Variants in MEGF10 observed in about 807,000 individuals in gnomAD.
The protein encoded by MEGF10 is multiple epidermal growth factor-like domains protein 10.
MEGF10 carries 86 observed loss-of-function variants against 147.5 expected under a neutral mutation model. The observed-to-expected ratio is 0.58, with a 90% CI of 0.49 to 0.70. The LOEUF (loss-of-function observed/expected upper bound fraction) is 0.70. Among genes scored for constraint, MEGF10 ranks in the 30% least tolerant of loss-of-function variants. The pLI is 0.00. For synonymous variants in MEGF10, 478 were observed against 525.5 expected, an observed-to-expected ratio of 0.91 and a Z score of 1.24; for missense variants, 1,329 against 1,487.3, an observed-to-expected ratio of 0.89 and a Z score of 1.75.
intron 1 of MEGF10, among the ~76,000 whole-genome samples, chr5:127,314,409 T>G (rs942572200): frequency 2.0e-5 from 3 of 151,954 alleles, no homozygotes; most frequent in Non-Finnish European, 4.4e-5. Context: ...GTTGAAGAGG[T>G]GGGATTGGTT....
At chr5:127,455,978 C>T (rs1387297007) in intron 24 of MEGF10, among the ~76,000 whole-genome samples, 2 of 151,918 alleles carry the variant, frequency 1.3e-5, no homozygotes, top group Non-Finnish European at 2.9e-5. Context: ...GTGTTTTTAG[C>T]GATCATATTA....
intron 8 of MEGF10, among the ~76,000 whole-genome samples, chr5:127,408,850 G>A (rs552519842): frequency 1.3e-5 from 2 of 152,304 alleles, no homozygotes; most frequent in Admixed American, 1.3e-4. Context: ...GCTGAGGCGG[G>A]AGCATCACTT....
chr5:127,414,375 G>C (rs1042298056), intron 9 of MEGF10, among the ~76,000 whole-genome samples: 3 of 151,736 alleles, frequency 2.0e-5, no homozygotes, highest in Non-Finnish European at 4.4e-5. Context: ...TACCATCTAG[G>C]ATGGCTGTGA....
In MEGF10 at chr5:127,460,165, G is replaced by T. The variant is rs1275443269; in HGVS notation, c.*2847G>T. 1 of 152,076 alleles carries T rather than the reference G, an allele frequency of 6.6e-6. No homozygotes were observed. Among genetic ancestry groups the T allele is most frequent in the Non-Finnish European group, 1.5e-5 (1 of 68,002 alleles). 9.4% of individuals were successfully genotyped at this position (152,076 alleles called of 1,614,324 possible). A position where few individuals can be genotyped will look rare whatever the true frequency, so the allele number is the denominator to read the frequency against. ...AGGAGTTTAGAGATACTTAGCAAAT[G>T]CCATTCATATAGTATTGTTAGCCAA... On this transcript the variant is annotated 3_prime_UTR_variant, in exon 25 of 25. Coordinates refer to ENST00000503335, the MANE Select transcript of MEGF10 (RefSeq NM_001256545.2).
intron 1 of MEGF10, among the ~76,000 whole-genome samples, chr5:127,314,687 T>C (rs1760448148): frequency 1.3e-5 from 2 of 152,244 alleles, no homozygotes; most frequent in Admixed American, 1.3e-4. Context: ...ATTTTAGGAA[T>C]GAATCATAGG....
chr5:127,429,863 T>C (rs1197057211), intron 13 of MEGF10, among the ~76,000 whole-genome samples: 1 of 152,132 alleles, frequency 6.6e-6, no homozygotes, highest in Non-Finnish European at 1.5e-5. Flanking sequence ...GCCCCTTCCT[T>C]CTTAAAATTG....
intron 5 of MEGF10, among the ~76,000 whole-genome samples, chr5:127,390,358 C>T (rs961315808): frequency 2.0e-5 from 3 of 151,928 alleles, no homozygotes; most frequent in African/African-American, 2.4e-5. Context: ...AGAGCAATCA[C>T]GACTCACTGC....
chr5:127,301,399 T>C (rs554060665), intron 1 of MEGF10, among the ~76,000 whole-genome samples: 1 of 152,296 alleles, frequency 6.6e-6, no homozygotes, highest in African/African-American at 2.4e-5. Flanking sequence ...CATTTTTTTT[T>C]TCTCCAAAAG....
At chr5:127,387,408 A>G (rs1018473582) in intron 5 of MEGF10, among the ~76,000 whole-genome samples, 1 of 152,174 alleles carries the variant, frequency 6.6e-6, no homozygotes, top group Non-Finnish European at 1.5e-5. Context: ...AACTATTCTG[A>G]TGAACCTGCT....
Position 127,415,669 on chromosome 5 carries a change from T to C in MEGF10, c.1131-1969T>C, listed in dbSNP as rs201438247. ...TTATAATCCCAGCACTTTGGGAGGC[T>C]GAGACGGGCAGATCACTTGAGGTCA... On this transcript the variant is annotated intron_variant, in intron 9 of 24. Coordinates refer to ENST00000503335, the MANE Select transcript of MEGF10 (RefSeq NM_001256545.2). 3.5e-4 allele frequency among the ~76,000 whole-genome samples: 54 copies of C among 152,124 alleles called. No homozygotes were observed. In the East Asian group the frequency reaches 8.2e-3, roughly 23 times the overall value.
chr5:127,438,044 C>G (rs1765621586), intron 16 of MEGF10, among the ~76,000 whole-genome samples: 1 of 152,124 alleles, frequency 6.6e-6, no homozygotes, highest in African/African-American at 2.4e-5. Flanking sequence ...GTTGGTTTGC[C>G]TGCCTCCCCT....
intron 4 of MEGF10, among the ~76,000 whole-genome samples, chr5:127,362,611 G>T (rs187825787): frequency 6.6e-6 from 1 of 151,928 alleles, no homozygotes; most frequent in African/African-American, 2.4e-5. Flanking sequence ...TGATCCGCCC[G>T]CCTCAGCCTC....
chr5:127,261,678 C>A, the MEGF10 span, among the ~76,000 whole-genome samples: 2 of 152,130 alleles, frequency 1.3e-5, no homozygotes, highest in Non-Finnish European at 2.9e-5. Context: ...AATTGCTATA[C>A]TGATTGTAAA....
At chr5:127,238,572 G>T in the MEGF10 span, among the ~76,000 whole-genome samples, 2 of 152,196 alleles carry the variant, frequency 1.3e-5, no homozygotes, top group African/African-American at 4.8e-5. Context: ...GACAGAGAAA[G>T]GTTAAGTAAC....
chr5:127,327,483 A>G (rs1005184122), intron 1 of MEGF10, among the ~76,000 whole-genome samples: 1 of 152,064 alleles, frequency 6.6e-6, no homozygotes, highest in Non-Finnish European at 1.5e-5. Context: ...AAAAAATTGC[A>G]TTTTGTTTTC....
chr5:127,366,173 C>T (rs925133328), intron 4 of MEGF10, among the ~76,000 whole-genome samples: 14 of 151,998 alleles, frequency 9.2e-5, no homozygotes, highest in African/African-American at 3.4e-4. Context: ...GTGTGGGCGT[C>T]TGTGTCATGA....
chr5:127,374,279 G>A (rs1488161656), intron 5 of MEGF10, among the ~76,000 whole-genome samples: 1 of 152,216 alleles, frequency 6.6e-6, no homozygotes, highest in Non-Finnish European at 1.5e-5. Flanking sequence ...ACTGGAAGTA[G>A]AATGGAAAAA....
At chr5:127,452,474 A>G (rs1310152917) in intron 22 of MEGF10, among the ~76,000 whole-genome samples, 1 of 152,224 alleles carries the variant, frequency 6.6e-6, no homozygotes, top group East Asian at 1.9e-4. Context: ...GACATCAGCT[A>G]CAAGTTGAAA....
At chr5:127,348,199 A>T (rs1408068508) in intron 4 of MEGF10, among the ~76,000 whole-genome samples, 2 of 152,090 alleles carry the variant, frequency 1.3e-5, no homozygotes, top group African/African-American at 4.8e-5. Context: ...CCATTTGCTT[A>T]TATCCATGTG....
Sources: allele counts gnomAD v4.1 joint callset (sites outside exome capture counted in the v4.1 genomes callset), GRCh38; gene constraint gnomAD v4.1.1; transcripts MANE v1.5; gene names NCBI Gene and HGNC (gene_info 2026-07-23, HGNC 2026-07-21).